The following PTGES3 variants were observed in gnomAD, a reference collection of about 807,000 sequenced individuals.
PTGES3 encodes prostaglandin E synthase 3.
A neutral mutation model predicts 29.9 loss-of-function variants in PTGES3; 5 were observed. The ratio of observed to expected loss-of-function variants is 0.17; its 90% CI spans 0.09 to 0.35. The LOEUF (loss-of-function observed/expected upper bound fraction) is 0.35. Ranked by LOEUF, PTGES3 falls within the 10% of genes least tolerant of loss-of-function variation. The pLI is 1.00. For missense variants in PTGES3, 128 were observed against 190.0 expected (o/e 0.67, Z 1.92); for synonymous variants, 49 against 57.8 (o/e 0.85, Z 0.69).
At chr12:56,686,301 G>C (rs1168774973) in intron 1 of PTGES3, among the ~76,000 whole-genome samples, 3 of 152,154 alleles carry the variant, frequency 2.0e-5, no homozygotes, top group Admixed American at 6.6e-5. Flanking sequence ...GAAAGGTTAA[G>C]ACTGATGTCC....
intron 3 of PTGES3, among the ~76,000 whole-genome samples, chr12:56,672,141 A>G (rs1028763715): frequency 1.7e-4 from 26 of 152,212 alleles, no homozygotes; most frequent in Non-Finnish European, 1.3e-4. Context: ...GATAAACAGA[A>G]TAAAACCTTA....
intron 6 of PTGES3, chr12:56,665,814 A>T: frequency 2.8e-6 from 2 of 720,646 alleles, no homozygotes; most frequent in Non-Finnish European, 3.4e-6. Context: ...CTAAGTTTTT[A>T]AGACAGGGTT....
intron 5 of PTGES3, 27 bp downstream of exon 5, chr12:56,670,248 G>A (rs1951952083): frequency 6.7e-7 from 1 of 1,489,352 alleles, no homozygotes; most frequent in East Asian, 2.3e-5. Flanking sequence ...GCTTCGAATG[G>A]GGAGAGGTCC....
chr12:56,687,526 C>G lies in PTGES3; in HGVS notation c.2+472G>C, dbSNP rs1952934914. The G allele has an allele frequency of 4.0e-6, 4 of 1,003,130 alleles. No homozygotes were observed. In the Admixed American group the frequency reaches 2.4e-4, roughly 59 times the overall value. 62.1% of individuals were successfully genotyped at this position (1,003,130 alleles called of 1,614,324 possible). On this transcript the variant is annotated intron_variant, in intron 1 of 7. Transcript: ENST00000262033. ...AGCTCACGGCGAGGTCCGCGTGGGG[C>G]TCTCCCAGGAGCTCCGCCAGGCACC...
intron 5 of PTGES3, among the ~76,000 whole-genome samples, chr12:56,667,360 A>AT (rs760312270): frequency 1.3e-5 from 2 of 152,262 alleles, no homozygotes; most frequent in Non-Finnish European, 2.9e-5. Flanking sequence ...ATAAAATCAC[A>AT]TATGCATGGA....
At chr12:56,666,772 G>A (rs1219913675) in intron 5 of PTGES3, among the ~76,000 whole-genome samples, 7 of 151,594 alleles carry the variant, frequency 4.6e-5, no homozygotes, top group Admixed American at 3.9e-4. Flanking sequence ...GATTACAGGC[G>A]CGTACCACCA....
chr12:56,669,575 G>A (rs930903588), intron 5 of PTGES3, among the ~76,000 whole-genome samples: 51 of 151,706 alleles, frequency 3.4e-4, no homozygotes, highest in South Asian at 2.1e-4. Context: ...GAGCCACCGC[G>A]CCCAGCCTAT....
chr12:56,676,451 T>C (rs1952253710), intron 1 of PTGES3, among the ~76,000 whole-genome samples: 1 of 152,124 alleles, frequency 6.6e-6, no homozygotes, highest in Non-Finnish European at 1.5e-5. Context: ...GAGTCTAAAA[T>C]TTGTTATGGA....
At chr12:56,676,376 GTTTGT>G (rs1257997705) in intron 1 of PTGES3, among the ~76,000 whole-genome samples, 13 of 151,988 alleles carry the variant, frequency 8.6e-5, no homozygotes, top group Admixed American at 2.6e-4. Flanking sequence ...TGTACTTCCA[GTTTGT>G]TTTATTATAT....
intron 6 of PTGES3, 75 bp downstream of exon 6, chr12:56,666,129 A>C: frequency 6.7e-7 from 1 of 1,484,128 alleles, no homozygotes; most frequent in Non-Finnish European, 9.0e-7. Context: ...ATCTATATAA[A>C]ACCATTTGTA....
chr12:56,674,246 G>A (rs1319737024), intron 1 of PTGES3, among the ~76,000 whole-genome samples: 1 of 152,100 alleles, frequency 6.6e-6, no homozygotes, highest in Non-Finnish European at 1.5e-5. Context: ...TAGCACAGAG[G>A]GAAGAAAGAA....
At chr12:56,685,247 CTTG>C (rs1240494827) in intron 1 of PTGES3, among the ~76,000 whole-genome samples, 6 of 152,232 alleles carry the variant, frequency 3.9e-5, no homozygotes, top group Admixed American at 6.5e-5. Flanking sequence ...AAGTCTTTAG[CTTG>C]TTAAGAGTCC....
intron 5 of PTGES3, among the ~76,000 whole-genome samples, chr12:56,667,403 C>T (rs1344328492): frequency 6.6e-6 from 1 of 151,950 alleles, no homozygotes. Flanking sequence ...ACATGATTAC[C>T]CAGATTTTAG....
At chr12:56,687,553 GGC>G (rs1234754871) in intron 1 of PTGES3, 1 of 1,013,366 alleles carries the variant, frequency 9.9e-7, no homozygotes, top group Non-Finnish European at 1.2e-6. Flanking sequence ...CCAGGCACCT[GGC>G]GGCACCCACC....
Position 56,676,699 on chromosome 12 carries a change from G to A in PTGES3, c.3-3634C>T, listed in dbSNP as rs560125836. On this transcript the variant is annotated intron_variant, in intron 1 of 7. Coordinates refer to ENST00000262033, the MANE Select transcript of PTGES3 (RefSeq NM_006601.7). ...TGCCTATAATCCCAGCACTTTGGGA[G>A]GCCAAGGCAGGTAAATCACTTGAAG... Among the ~76,000 whole-genome samples the A allele has an allele frequency of 9.2e-5, 14 of 152,160 alleles. No homozygotes were observed. In the South Asian group the frequency reaches 2.5e-3, roughly 27 times the overall value.
chr12:56,675,027 A>AAAAAG (rs71081385), intron 1 of PTGES3, among the ~76,000 whole-genome samples: 4 of 144,354 alleles, frequency 2.8e-5, no homozygotes, highest in Admixed American at 7.0e-5. Flanking sequence ...AAAAAAAAAA[A>AAAAAG]GTGCTGGTTC....
rs748825658 is a variant in PTGES3, at chr12:56,687,986, T to G, written c.2+12A>C. 42 of 1,597,010 alleles carry G rather than the reference T, an allele frequency of 2.6e-5. No homozygotes were observed. Among genetic ancestry groups the G allele is most frequent in the Non-Finnish European group, 2.0e-5 (23 of 1,173,440 alleles). On this transcript the variant is annotated intron_variant, in intron 1 of 7. Transcript: ENST00000262033. ...ACTCGGCGACCTTCCCTCGGCGGGGTGTCGCACTCACATTGTGAACGGGGC... is the reference window on the plus strand; with the variant it reads ...ACTCGGCGACCTTCCCTCGGCGGGGGGTCGCACTCACATTGTGAACGGGGC...
intron 1 of PTGES3, among the ~76,000 whole-genome samples, chr12:56,677,390 T>C (rs1049817365): frequency 2.0e-5 from 3 of 152,146 alleles, no homozygotes; most frequent in Non-Finnish European, 4.4e-5. Flanking sequence ...ATAGTGCCCT[T>C]GGTGTCTGAG....
intron 6 of PTGES3, chr12:56,665,930 TGTTA>T: frequency 9.3e-7 from 1 of 1,071,762 alleles, no homozygotes; most frequent in South Asian, 3.5e-5. Context: ...CTAAACTGAC[TGTTA>T]TAATTGAGTA....
Sources: allele counts gnomAD v4.1 joint callset (sites outside exome capture counted in the v4.1 genomes callset), GRCh38; gene constraint gnomAD v4.1.1; transcripts MANE v1.5; gene names NCBI Gene and HGNC (gene_info 2026-07-23, HGNC 2026-07-21).